Variants in CNTNAP5 observed in about 807,000 individuals in gnomAD.
The protein encoded by CNTNAP5 is contactin-associated protein-like 5.
CNTNAP5 carries 72 observed loss-of-function variants against 150.2 expected under a neutral mutation model. The ratio of observed to expected loss-of-function variants is 0.48; its 90% CI spans 0.40 to 0.58. The LOEUF (loss-of-function observed/expected upper bound fraction) is 0.58, where lower values mean the gene tolerates loss of function less well. Among genes scored for constraint, CNTNAP5 ranks in the 20% least tolerant of loss-of-function variants. The pLI is 0.00. For missense variants in CNTNAP5, 1,636 were observed against 1,626.2 expected, an observed-to-expected ratio of 1.01 and a Z score of -0.10; for synonymous variants, 672 against 619.8, an observed-to-expected ratio of 1.08 and a Z score of -1.25.
intron 13 of CNTNAP5, among the ~76,000 whole-genome samples, chr2:124,682,281 A>G (rs149721327): frequency 8.0e-4 from 122 of 152,256 alleles, no homozygotes; most frequent in African/African-American, 2.7e-3. Flanking sequence ...TAAAATCGCA[A>G]CCTTATGCAG....
chr2:124,171,228 T>C (rs2104664326), intron 1 of CNTNAP5, among the ~76,000 whole-genome samples: 1 of 152,324 alleles, frequency 6.6e-6, no homozygotes, highest in South Asian at 2.1e-4. Flanking sequence ...TCTTTCTCTG[T>C]TCACTGGCCG....
intron 1 of CNTNAP5, among the ~76,000 whole-genome samples, chr2:124,184,471 T>A (rs1257615712): frequency 6.6e-6 from 1 of 152,196 alleles, no homozygotes; most frequent in Non-Finnish European, 1.5e-5. Context: ...ATGGGACATA[T>A]TTACACAAAA....
intron 3 of CNTNAP5, among the ~76,000 whole-genome samples, chr2:124,388,512 A>G (rs1012054739): frequency 6.6e-6 from 1 of 152,166 alleles, no homozygotes; most frequent in East Asian, 1.9e-4. Context: ...TTATGCATCA[A>G]TTCCCTGGGA....
Position 124,537,421 on chromosome 2 carries a change from C to T in CNTNAP5, c.1649+9965C>T, listed in dbSNP as rs182041255. ...CCTCACGGGTTATCATCCCTATCCT[C>T]GCAGCTCACTGTCACTATCTCCTAA... On this transcript the variant is annotated intron_variant, in intron 10 of 23. Transcript: ENST00000682447. Among the ~76,000 whole-genome samples the T allele has an allele frequency of 5.3e-5, 8 of 152,306 alleles. No individual in the cohort carries two copies. The East Asian group carries it at 9.7e-4, about 18-fold the overall frequency.
chr2:124,498,153 G>A (rs1694195894), intron 7 of CNTNAP5, among the ~76,000 whole-genome samples: 1 of 152,158 alleles, frequency 6.6e-6, no homozygotes, highest in African/African-American at 2.4e-5. Context: ...TGGTTTAGTG[G>A]CAGAATGGCC....
chr2:124,502,829 T>C (rs1694307933), intron 7 of CNTNAP5, among the ~76,000 whole-genome samples: 2 of 152,142 alleles, frequency 1.3e-5, no homozygotes, highest in African/African-American at 4.8e-5. Flanking sequence ...GTATCAGAGA[T>C]GGTGGCTAAA....
intron 13 of CNTNAP5, among the ~76,000 whole-genome samples, chr2:124,723,746 G>C (rs890257167): frequency 2.6e-5 from 4 of 152,144 alleles, no homozygotes; most frequent in South Asian, 2.1e-4. Context: ...TGCTTCTTCT[G>C]TGTGTTCCCA....
intron 10 of CNTNAP5, among the ~76,000 whole-genome samples, chr2:124,561,274 G>A (rs539174019): frequency 2.0e-5 from 3 of 152,302 alleles, no homozygotes; most frequent in African/African-American, 7.2e-5. Context: ...AACAGCGTGT[G>A]GGGACAGGGG....
At chr2:124,346,408 C>A (rs1196830267) in intron 3 of CNTNAP5, among the ~76,000 whole-genome samples, 1 of 152,250 alleles carries the variant, frequency 6.6e-6, no homozygotes, top group East Asian at 1.9e-4. Context: ...AAATAGTGCA[C>A]CTTTTTTCAA....
intron 11 of CNTNAP5, among the ~76,000 whole-genome samples, chr2:124,584,936 T>C (rs1457901325): frequency 1.3e-5 from 2 of 152,216 alleles, no homozygotes; most frequent in Non-Finnish European, 2.9e-5. Context: ...GAGCCCTTAC[T>C]AATGGGGGTG....
chr2:124,843,637 G>A (rs1263099187), intron 19 of CNTNAP5, among the ~76,000 whole-genome samples: 2 of 152,092 alleles, frequency 1.3e-5, no homozygotes, highest in African/African-American at 4.8e-5. Flanking sequence ...CAGTGTAGGA[G>A]TGTTCCCTGT....
At position 124,223,986 on chromosome 2, in the gene CNTNAP5, A is replaced by T. The variant is rs559923567; in HGVS notation, c.187+2177A>T. ...CCAACCACGGCCCTCAGTGGGAATTAAACACTGGCTCAGGGAGATACGGTA... is the reference window on the plus strand; with the variant it reads ...CCAACCACGGCCCTCAGTGGGAATTTAACACTGGCTCAGGGAGATACGGTA... On this transcript the variant is annotated intron_variant, in intron 2 of 23. Transcript: ENST00000682447. Among the ~76,000 whole-genome samples the T allele has an allele frequency of 2.0e-5, 3 of 151,944 alleles. No homozygotes were observed. In the East Asian group the frequency reaches 5.9e-4, roughly 30 times the overall value.
At chr2:124,591,599 C>A (rs554826968) in intron 11 of CNTNAP5, among the ~76,000 whole-genome samples, 1 of 152,020 alleles carries the variant, frequency 6.6e-6, no homozygotes, top group East Asian at 1.9e-4. Context: ...CATATTACAC[C>A]GATATGTCAC....
chr2:124,687,867 T>G (rs1573548379), intron 13 of CNTNAP5, among the ~76,000 whole-genome samples: 1 of 152,290 alleles, frequency 6.6e-6, no homozygotes, highest in African/African-American at 2.4e-5. Context: ...AAATTTGCCC[T>G]GTTTTGTTAT....
intron 11 of CNTNAP5, among the ~76,000 whole-genome samples, chr2:124,588,095 TTTTCTTC>T (rs1558965865): frequency 1.8e-4 from 20 of 110,962 alleles, no homozygotes; most frequent in Admixed American, 1.6e-3. Flanking sequence ...TCTTTCTTTC[TTTTCTTC>T]CTTCCTTCCC....
At chr2:124,752,932 C>A (rs1203693042) in intron 14 of CNTNAP5, among the ~76,000 whole-genome samples, 1 of 152,162 alleles carries the variant, frequency 6.6e-6, no homozygotes, top group East Asian at 1.9e-4. Flanking sequence ...AGAGAGAATA[C>A]ACAATGTCCC....
intron 1 of CNTNAP5, among the ~76,000 whole-genome samples, chr2:124,064,062 T>C (rs760906366): frequency 1.3e-5 from 2 of 152,074 alleles, no homozygotes; most frequent in Non-Finnish European, 2.9e-5. Context: ...CCGTTGTTTG[T>C]AAAAAGAGGA....
chr2:124,394,099 C>T (rs1163522363), intron 3 of CNTNAP5, among the ~76,000 whole-genome samples: 5 of 151,988 alleles, frequency 3.3e-5, no homozygotes, highest in East Asian at 1.9e-4. Flanking sequence ...AAGCTGGGCA[C>T]GGTGGCTCGC....
In CNTNAP5 at chr2:124,221,788, G is replaced by T. The variant is rs1316653286; in HGVS notation, c.166G>T (p.Ala56Ser). The change falls in exon 2 of 24, where the codon GCT becomes TCT. Residue 56 changes from alanine (A) to serine (S), a missense_variant. Ala to Ser is a moderately conservative substitution (Grantham distance 99, BLOSUM62 1). Transcript: ENST00000682447. ...SSDLTGTHSP[A>S]QLNWRVGTGG... Reference sequence around the variant, plus strand: ...AGACCTCACTGGCACTCACAGCCCAGCTCAACTCAACTGGAGAGTTGGTAA... The same window carrying T: ...AGACCTCACTGGCACTCACAGCCCATCTCAACTCAACTGGAGAGTTGGTAA... 6.2e-7 allele frequency: 1 copy of T among 1,608,742 alleles called. No homozygotes were observed. Among genetic ancestry groups the T allele is most frequent in the Non-Finnish European group, 8.5e-7 (1 of 1,177,036 alleles).
Sources: allele counts gnomAD v4.1 joint callset (sites outside exome capture counted in the v4.1 genomes callset), GRCh38; gene constraint gnomAD v4.1.1; transcripts MANE v1.5; gene names NCBI Gene and HGNC (gene_info 2026-07-23, HGNC 2026-07-21).